The following GNAL variants were observed in gnomAD, a reference collection of about 807,000 sequenced individuals.
The protein encoded by GNAL is G protein subunit alpha L.
In GNAL, 18 loss-of-function variants were observed where a neutral mutation model predicts 55.1. That is an observed-to-expected ratio of 0.33 (90% CI 0.23 to 0.48). GNAL has a LOEUF of 0.48. Among genes scored for constraint, GNAL ranks in the 20% least tolerant of loss-of-function variants. The pLI is 0.99. For synonymous variants in GNAL, 253 were observed against 237.0 expected, an observed-to-expected ratio of 1.07 and a Z score of -0.62; for missense variants, 412 against 614.1, an observed-to-expected ratio of 0.67 and a Z score of 3.48.
chr18:11,840,670 TTCTTC>T (rs2035594259), intron 5 of GNAL, among the ~76,000 whole-genome samples: 1 of 152,146 alleles, frequency 6.6e-6, no homozygotes, highest in East Asian at 1.9e-4. Flanking sequence ...ATAGTTAGCG[TTCTTC>T]CCTGGAATGA....
intron 1 of GNAL, chr18:11,745,928 G>A (rs1392691267): frequency 4.3e-6 from 1 of 233,290 alleles, no homozygotes; most frequent in Admixed American, 5.0e-5. Context: ...TGAGCAAACA[G>A]TTTGTATGTT....
intron 5 of GNAL, among the ~76,000 whole-genome samples, chr18:11,856,622 G>A (rs2036013030): frequency 6.6e-6 from 1 of 150,420 alleles, no homozygotes; most frequent in African/African-American, 2.5e-5. Flanking sequence ...ATTCAGCAGT[G>A]TTTACTCAAA....
chr18:11,709,253 CT>C (rs2031782494), intron 1 of GNAL, among the ~76,000 whole-genome samples: 1 of 147,036 alleles, frequency 6.8e-6, no homozygotes, highest in African/African-American at 2.5e-5. Flanking sequence ...CTTTGTTCTT[CT>C]TTCTCAAGAT....
chr18:11,782,671 T>C (rs1394810281), intron 4 of GNAL, among the ~76,000 whole-genome samples: 1 of 152,106 alleles, frequency 6.6e-6, no homozygotes, highest in Non-Finnish European at 1.5e-5. Context: ...GTTCCTTTTA[T>C]GATTAAACAA....
At chr18:11,779,042 G>GA (rs1052821051) in intron 4 of GNAL, among the ~76,000 whole-genome samples, 3 of 152,122 alleles carry the variant, frequency 2.0e-5, no homozygotes, top group African/African-American at 7.2e-5. Context: ...AGGTTCTTGA[G>GA]AAAGGGGATT....
At chr18:11,880,806 G>A (rs1488318872) in intron 11 of GNAL, among the ~76,000 whole-genome samples, 183 bp from the exon 12 acceptor site, 1 of 152,080 alleles carries the variant, frequency 6.6e-6, no homozygotes, top group Admixed American at 6.5e-5. Context: ...AATGATAAGG[G>A]TGAGGTTATC....
At chr18:11,763,711 G>A (rs907665419) in intron 4 of GNAL, among the ~76,000 whole-genome samples, 1 of 152,098 alleles carries the variant, frequency 6.6e-6, no homozygotes, top group African/African-American at 2.4e-5. Flanking sequence ...ATTTTACCAA[G>A]AGTCTCAATA....
intron 5 of GNAL, among the ~76,000 whole-genome samples, chr18:11,834,347 C>A (rs534152507): frequency 1.3e-5 from 2 of 152,170 alleles, no homozygotes; most frequent in African/African-American, 4.8e-5. Context: ...AAAATGGGGT[C>A]TTTTGTTAAG....
At chr18:11,766,973 A>C (rs8098587) in intron 4 of GNAL, among the ~76,000 whole-genome samples, 1 of 152,062 alleles carries the variant, frequency 6.6e-6, no homozygotes, top group Non-Finnish European at 1.5e-5. Flanking sequence ...GCTACATGTC[A>C]TCTTTCTCAC....
At chr18:11,753,159 G>T (rs1351330884) in intron 2 of GNAL, among the ~76,000 whole-genome samples, 1 of 152,016 alleles carries the variant, frequency 6.6e-6, no homozygotes, top group Non-Finnish European at 1.5e-5. Context: ...GGTATTCTTG[G>T]AGTGTTGATC....
intron 4 of GNAL, among the ~76,000 whole-genome samples, chr18:11,787,692 G>GT (rs1477418820): frequency 1.2e-4 from 18 of 152,282 alleles, no homozygotes; most frequent in African/African-American, 4.3e-4. Context: ...GGCTAACACA[G>GT]TGAAACCCCA....
At chr18:11,756,771 T>C (rs374588557) in intron 4 of GNAL, among the ~76,000 whole-genome samples, 9 of 152,172 alleles carry the variant, frequency 5.9e-5, no homozygotes, top group Non-Finnish European at 1.3e-4. Flanking sequence ...ATCTGACTTA[T>C]ATGCTCCATT....
intron 5 of GNAL, among the ~76,000 whole-genome samples, chr18:11,832,733 G>A (rs372130091): frequency 2.6e-5 from 4 of 151,894 alleles, no homozygotes; most frequent in African/African-American, 4.8e-5. Flanking sequence ...TGGTGCACGC[G>A]CCTTTAATCC....
At chr18:11,835,091 T>C (rs1286980436) in intron 5 of GNAL, among the ~76,000 whole-genome samples, 7 of 152,228 alleles carry the variant, frequency 4.6e-5, no homozygotes. Flanking sequence ...GAATTTGAGC[T>C]ACACAGATAG....
intron 5 of GNAL, chr18:11,857,490 A>AT: frequency 1.0e-6 from 1 of 985,608 alleles, no homozygotes; most frequent in Non-Finnish European, 1.2e-6. Flanking sequence ...TGGAGGCCAC[A>AT]TTAAAAGTGT....
At chr18:11,861,373 C>G (rs1462034587) in intron 5 of GNAL, among the ~76,000 whole-genome samples, 1 of 152,136 alleles carries the variant, frequency 6.6e-6, no homozygotes, top group African/African-American at 2.4e-5. Flanking sequence ...CCCAGCCTCT[C>G]AGCCCTCAAT....
At chr18:11,786,625 T>TC (rs1329492043) in intron 4 of GNAL, among the ~76,000 whole-genome samples, 1 of 150,058 alleles carries the variant, frequency 6.7e-6, no homozygotes, top group East Asian at 1.9e-4. Context: ...ATTTTTTTTT[T>TC]TTTTTTTAGT....
At chr18:11,822,914 C>G (rs934225830) in intron 4 of GNAL, among the ~76,000 whole-genome samples, 2 of 147,942 alleles carry the variant, frequency 1.4e-5, no homozygotes, top group Admixed American at 6.8e-5. Context: ...GTGAATAACT[C>G]TTATGTGAAC....
At position 11,751,952 on chromosome 18, in the gene GNAL, C is replaced by G. The variant is rs1223974005; in HGVS notation, c.377-901C>G. Among the ~76,000 whole-genome samples the G allele has an allele frequency of 6.6e-6, 1 of 152,180 alleles. No homozygotes were observed. The highest frequency in any genetic ancestry group is 6.5e-5 in the Admixed American group (1 of 15,282). On this transcript the variant is annotated intron_variant, in intron 1 of 11. Coordinates refer to ENST00000334049, the MANE Select transcript of GNAL (RefSeq NM_182978.4). This position sits in a 1 kb window ranked among gnomAD's most constrained non-coding sequence, Gnocchi z 4.5. The stretch of plus-strand genomic sequence containing the variant: ...CCCTCTGGGACCCCGGTGGCGCGCT[C>G]TGTCCTCCGCGCCACGCTCAGCCAC...
Sources: gnomAD v4.1 joint callset for allele counts (sites outside exome capture counted in the v4.1 genomes callset) on GRCh38, gnomAD v4.1.1 for gene constraint, Gnocchi (gnomAD v3.1) non-coding constraint, MANE v1.5 for transcripts, NCBI Gene and HGNC (gene_info 2026-07-23, HGNC 2026-07-21) for gene names.